CDC42BPG: variants seen among roughly 807,000 people sequenced by gnomAD.
CDC42BPG encodes CDC42 binding protein kinase gamma, also known as serine/threonine-protein kinase MRCK gamma.
CDC42BPG carries 157 observed loss-of-function variants against 192.2 expected under a neutral mutation model. The ratio of observed to expected loss-of-function variants is 0.82; its 90% CI spans 0.72 to 0.93. CDC42BPG has a LOEUF of 0.93. Ranked by LOEUF, CDC42BPG falls within the 40% of genes least tolerant of loss-of-function variation. The pLI is 0.00. For missense variants in CDC42BPG, 1,992 were observed against 2,122.1 expected, an observed-to-expected ratio of 0.94 and a Z score of 1.20; for synonymous variants, 981 against 918.5, an observed-to-expected ratio of 1.07 and a Z score of -1.23.
rs1943031387 is a variant in CDC42BPG at position 64,836,738 on chromosome 11, C to A, written c.1384+1G>T. 3 of 1,071,748 alleles carry A rather than the reference C, an allele frequency of 2.8e-6. No individual in the cohort carries two copies. Among genetic ancestry groups the A allele is most frequent in the South Asian group, 3.0e-5 (2 of 67,706 alleles). The allele number at this position is 1,071,748 out of a possible 1,614,324, so 66.4% of individuals were successfully genotyped here. A position where few individuals can be genotyped will look rare whatever the true frequency, so the allele number is the denominator to read the frequency against. On this transcript the variant is annotated splice_donor_variant, in intron 11 of 36. Transcript: ENST00000342711. LOFTEE classifies it high-confidence loss of function. Reference sequence around the variant, plus strand: ...GGGGGGGGGGTGGGCGGAAGGGATACCTGGCAGCCTGTCCCGCAGAGTCTG... The same window carrying A: ...GGGGGGGGGGTGGGCGGAAGGGATAACTGGCAGCCTGTCCCGCAGAGTCTG...
chr11:64,835,242 C>T (rs1051173769), intron 16 of CDC42BPG, 89 bp from the exon 17 acceptor site: 48 of 1,605,138 alleles, frequency 3.0e-5, no homozygotes, highest in Non-Finnish European at 3.5e-5. Flanking sequence ...CCCCGAGCCC[C>T]GTCCATGTCC....
In CDC42BPG at chr11:64,844,561, C is replaced by T. The variant is rs1174606621; in HGVS notation, c.9G>A (p.Arg3=). ...CCAGCTGCTCCAGCGCGCGCAGCCG[C>T]CGCTCCATGGCTGCGGCCGGAGCCT... ME[R]RLRALEQLAR... The change falls in exon 1 of 37, where the codon CGG becomes CGA. Residue 3 remains arginine (R), a synonymous_variant. Coordinates refer to ENST00000342711, the MANE Select transcript of CDC42BPG (RefSeq NM_017525.3). The T allele has an allele frequency of 7.8e-7, 1 of 1,282,632 alleles. No individual in the cohort carries two copies. The allele number at this position is 1,282,632 out of a possible 1,614,324, so 79.5% of individuals were successfully genotyped here.
At chr11:64,834,003 C>T (rs1942845088) in intron 20 of CDC42BPG, 26 bp from the exon 21 acceptor site, 1 of 1,613,976 alleles carries the variant, frequency 6.2e-7, no homozygotes, top group Non-Finnish European at 8.5e-7. Context: ...GGGTCACTGG[C>T]CTGGGGTCCC....
chr11:64,832,446 G>A lies in CDC42BPG; in HGVS notation c.3069C>T (p.Asp1023=). Residue 1023 remains aspartate (D), a synonymous_variant, in exon 27 of 37, where the codon GAC becomes GAT. Transcript: ENST00000342711. ...ASDVIHAQSR[D]LPRIFRVTTS... is the part of the protein sequence containing the mutation. ...CACTCACCCTAAAGATGCGTGGCAG[G>A]TCCCTGGATTGGGCATGGATAACAT... The A allele has an allele frequency of 6.2e-7, 1 of 1,614,048 alleles. No homozygotes were observed. The highest frequency in any genetic ancestry group is 8.5e-7 in the Non-Finnish European group (1 of 1,179,982).
In CDC42BPG at chr11:64,833,964, T is replaced by C. The variant is rs748550744; in HGVS notation, c.2427A>G (p.Ser809=). The change falls in exon 21 of 37, where the codon TCA becomes TCG. Residue 809 remains serine (S), a synonymous_variant. Coordinates refer to ENST00000342711, the MANE Select transcript of CDC42BPG (RefSeq NM_017525.3). The part of the protein sequence containing the change: ...RARGPVDTKP[S]NSLIPFLSFR... ...AGGACAGGAAGGGAATCAGGGAGTT[T>C]GAGGGCTTGGTGTCTGCAAAGAAAG... The C allele has an allele frequency of 6.2e-7, 1 of 1,614,188 alleles. No homozygotes were observed. The highest frequency in any genetic ancestry group is 1.1e-5 in the South Asian group (1 of 91,082).
At position 64,827,349 on chromosome 11, in the gene CDC42BPG, C is replaced by A; in HGVS notation, c.4200G>T (p.Gln1400His). The A allele has an allele frequency of 6.2e-7, 1 of 1,614,126 alleles. No individual in the cohort carries two copies. The highest frequency in any genetic ancestry group is 8.5e-7 in the Non-Finnish European group (1 of 1,179,968). The part of the protein sequence containing the change: ...IPDLTDNSRR[Q>H]LFRTKSKRRF... Reference sequence around the variant, plus strand: ...GGCGCTTGCTCTTGGTGCGGAACAGCTGGCGCCGGCTGTTGTCGGTGAGGT... The same window carrying A: ...GGCGCTTGCTCTTGGTGCGGAACAGATGGCGCCGGCTGTTGTCGGTGAGGT... Residue 1400 changes from glutamine (Q) to histidine (H), a missense_variant, in exon 33 of 37, where the codon CAG becomes CAT. Gln to His is a conservative substitution (Grantham distance 24, BLOSUM62 0). This residue lies in a region of CDC42BPG where 336 missense variants were observed against 277.9 expected (regional missense o/e 1.21). Transcript: ENST00000342711.
Position 64,829,798 on chromosome 11 carries a change from G to C in CDC42BPG, c.3640C>G (p.Pro1214Ala), listed in dbSNP as rs1229712977. 1.9e-6 allele frequency: 3 copies of C among 1,602,280 alleles called. No individual in the cohort carries two copies. Among genetic ancestry groups the C allele is most frequent in the Admixed American group, 1.7e-5 (1 of 57,230 alleles). The change falls in exon 30 of 37, where the codon CCC (proline) becomes GCC (alanine). Residue 1214 changes from proline to alanine, a missense_variant. Physicochemically the swap from Pro to Ala is conservative, Grantham distance 27. Transcript: ENST00000342711. ...LCYQLGPGPG[P>A]WQRRIRELQA... ...AGCTCACGGATGCGGCGCTGCCAGG[G>C]CCCAGGGCCCGGGCCCAGCTGGTAG... is the stretch of plus-strand genomic sequence containing the variant.
At chr11:64,836,362 G>A (rs1232190711) in intron 12 of CDC42BPG, 65 bp downstream of exon 12, 1 of 1,198,332 alleles carries the variant, frequency 8.3e-7, no homozygotes, top group Non-Finnish European at 1.2e-6. Context: ...CGTCCATGGA[G>A]CCCAGGGCCA....
rs1285149886 is a variant in CDC42BPG at position 64,824,452 on chromosome 11, G to A, written c.*21C>T. ...TCATGTCCTTCTGCCCTGGGATTGG[G>A]GTGGGCCCTAACAGAGGGCATCAAG... On this transcript the variant is annotated 3_prime_UTR_variant, in exon 37 of 37. Coordinates refer to ENST00000342711, the MANE Select transcript of CDC42BPG (RefSeq NM_017525.3). 1 of 1,509,422 alleles carries A rather than the reference G, an allele frequency of 6.6e-7. No homozygotes were observed. The highest frequency in any genetic ancestry group is 1.1e-5 in the South Asian group (1 of 89,318). The allele number at this position is 1,509,422 out of a possible 1,614,324, so 93.5% of individuals were successfully genotyped here. A position where few individuals can be genotyped will look rare whatever the true frequency, so the allele number is the denominator to read the frequency against.
intron 1 of CDC42BPG, among the ~76,000 whole-genome samples, chr11:64,842,927 AGAAGCCCGCAGCGGGGGCG>A (rs547373426): frequency 6.6e-6 from 1 of 152,294 alleles, no homozygotes; most frequent in South Asian, 2.1e-4. Flanking sequence ...TTTATCAGGC[AGAAGCCCGCAGCGGGGGCG>A]GGGTGGAAAC....
In CDC42BPG at chr11:64,836,919, T is replaced by C. The variant is rs1310109420; in HGVS notation, c.1303+3A>G. 2.5e-6 allele frequency: 4 copies of C among 1,613,096 alleles called. No individual in the cohort carries two copies. The highest frequency in any genetic ancestry group is 3.4e-6 in the Non-Finnish European group (4 of 1,179,732). ...CCAGGCCCGGCCCAGCCGCTCCCAGTACCTTGGTGCTTCCTGCTCAGCTCC... is the reference window on the plus strand; with the variant it reads ...CCAGGCCCGGCCCAGCCGCTCCCAGCACCTTGGTGCTTCCTGCTCAGCTCC... On this transcript the variant is annotated splice_donor_region_variant and intron_variant, in intron 10 of 36. Transcript: ENST00000342711.
In CDC42BPG at chr11:64,835,745, G is replaced by T; in HGVS notation, c.1758+17C>A. 1 of 1,613,268 alleles carries T rather than the reference G, an allele frequency of 6.2e-7. No individual in the cohort carries two copies. The highest frequency in any genetic ancestry group is 1.1e-5 in the South Asian group (1 of 91,056). On this transcript the variant is annotated intron_variant, in intron 14 of 36. Transcript: ENST00000342711. ...TGGTGGGGAAGCACCTCTTGCCAAG[G>T]GGGAGGACTTGACTACCTTGGCCTG... is the stretch of plus-strand genomic sequence containing the variant.
intron 1 of CDC42BPG, among the ~76,000 whole-genome samples, chr11:64,844,172 T>C (rs1033506093): frequency 6.6e-6 from 1 of 151,862 alleles, no homozygotes; most frequent in East Asian, 1.9e-4. Context: ...TTGGTATGTG[T>C]GTGCATGTGT....
chr11:64,833,869 G>A (rs779280754), intron 21 of CDC42BPG, 33 bp from the exon 22 acceptor site: 1 of 1,614,124 alleles, frequency 6.2e-7, no homozygotes, highest in East Asian at 2.2e-5. Context: ...CAAAGTCAAG[G>A]TCCCTGTGCC....
In CDC42BPG at chr11:64,827,297, G is replaced by T; in HGVS notation, c.4252C>A (p.Gln1418Lys). Residue 1418 changes from glutamine to lysine, a missense_variant, in exon 33 of 37, where the codon CAG (glutamine) becomes AAG (lysine). Physicochemically the swap from Gln to Lys is moderately conservative, Grantham distance 53. Around this residue, in one of 2 missense-constraint regions of CDC42BPG, gnomAD observed 336 missense variants for 277.9 expected, o/e 1.21. Transcript: ENST00000342711. ...GCGCACCTGCGCTGCTGCTTCTGCTGCTCCTCCGACACGCGGAAAAAGAAG... is the reference window on the plus strand; with the variant it reads ...GCGCACCTGCGCTGCTGCTTCTGCTTCTCCTCCGACACGCGGAAAAAGAAG... ...RRFFFRVSEE[Q>K]QKQQRREMLK... The T allele has an allele frequency of 6.2e-7, 1 of 1,613,880 alleles. No individual in the cohort carries two copies. Among genetic ancestry groups the T allele is most frequent in the Non-Finnish European group, 8.5e-7 (1 of 1,179,918 alleles).
Position 64,835,749 on chromosome 11 carries a change from A to T in CDC42BPG, c.1758+13T>A. ...GGGGAAGCACCTCTTGCCAAGGGGGAGGACTTGACTACCTTGGCCTGGGAC... is the reference window on the plus strand; with the variant it reads ...GGGGAAGCACCTCTTGCCAAGGGGGTGGACTTGACTACCTTGGCCTGGGAC... On this transcript the variant is annotated intron_variant, in intron 14 of 36. Transcript: ENST00000342711. The T allele has an allele frequency of 6.2e-7, 1 of 1,612,802 alleles. No individual in the cohort carries two copies. The highest frequency in any genetic ancestry group is 8.5e-7 in the Non-Finnish European group (1 of 1,179,408).
Position 64,840,788 on chromosome 11 carries a change from C to T in CDC42BPG, c.337-140G>A, listed in dbSNP as rs1431608070. The T allele has an allele frequency of 7.0e-6, 5 of 717,648 alleles. No individual in the cohort carries two copies. In the East Asian group the frequency reaches 1.4e-4, roughly 20 times the overall value. 44.5% of individuals were successfully genotyped at this position (717,648 alleles called of 1,614,324 possible). On this transcript the variant is annotated intron_variant, in intron 3 of 36. Coordinates refer to ENST00000342711, the MANE Select transcript of CDC42BPG (RefSeq NM_017525.3). ...CATAGCTCTACTGTCCCCTGTCTGG[C>T]TGCGACTGAGCCCAAGCCCACGCTC...
chr11:64,831,923 G>C (rs1447268227), intron 27 of CDC42BPG, among the ~76,000 whole-genome samples: 1 of 152,280 alleles, frequency 6.6e-6, no homozygotes, highest in African/African-American at 2.4e-5. Flanking sequence ...TGGGAACACA[G>C]AGGGACCCAA....
intron 23 of CDC42BPG, 72 bp from the exon 24 acceptor site, chr11:64,833,408 A>G: frequency 9.8e-7 from 1 of 1,018,362 alleles, no homozygotes. Context: ...GTCAGGAAAG[A>G]CAAGGGGCTG....
Sources: gnomAD v4.1 joint callset for allele counts (sites outside exome capture counted in the v4.1 genomes callset) on GRCh38, gnomAD v4.1.1 for gene constraint, gnomAD v4.1.1 regional missense constraint, MANE v1.5 for transcripts, NCBI Gene and HGNC (gene_info 2026-07-23, HGNC 2026-07-21) for gene names.